Variants in UBE2D4 observed in about 807,000 individuals in gnomAD.
UBE2D4 encodes the protein ubiquitin conjugating enzyme E2 D4, also known as ubiquitin-conjugating enzyme E2 D4.
In UBE2D4, 17 loss-of-function variants were observed where a neutral mutation model predicts 23.0. That is an observed-to-expected ratio of 0.74 (90% CI 0.51 to 1.11). The LOEUF is 1.11. UBE2D4 is among the 50% of genes least tolerant of loss of function. UBE2D4 has a pLI of 0.00. For synonymous variants in UBE2D4, 61 were observed against 69.4 expected (o/e 0.88, Z 0.60); for missense variants, 139 against 181.8 (o/e 0.76, Z 1.35).
At chr7:43,937,004 G>A (rs555386954) in intron 1 of UBE2D4, among the ~76,000 whole-genome samples, 10 of 152,240 alleles carry the variant, frequency 6.6e-5, no homozygotes, top group African/African-American at 2.2e-4. Context: ...AAACTCCTGG[G>A]TGCTGGTTGG....
chr7:43,947,915 G>C (rs2095991977), intron 4 of UBE2D4, among the ~76,000 whole-genome samples: 1 of 152,148 alleles, frequency 6.6e-6, no homozygotes, highest in Non-Finnish European at 1.5e-5. Flanking sequence ...TCTCATTGTG[G>C]TTTTGATTTG....
At chr7:43,927,965 C>G (rs912469572) in intron 1 of UBE2D4, 6 of 441,240 alleles carry the variant, frequency 1.4e-5, no homozygotes, top group Non-Finnish European at 2.2e-5. Flanking sequence ...ATATCTGAGG[C>G]TGGGTAATTA....
rs1190253783 is a variant in UBE2D4 at position 43,953,499 on chromosome 7, G to A, written c.*804G>A. 5 of 254,940 alleles carry A rather than the reference G, an allele frequency of 2.0e-5. No homozygotes were observed. Among genetic ancestry groups the A allele is most frequent in the South Asian group, 1.3e-4 (3 of 22,920 alleles). 15.8% of individuals were successfully genotyped at this position (254,940 alleles called of 1,614,324 possible). A position where few individuals can be genotyped will look rare whatever the true frequency, so the allele number is the denominator to read the frequency against. On this transcript the variant is annotated 3_prime_UTR_variant, in exon 7 of 7. Coordinates refer to ENST00000222402, the MANE Select transcript of UBE2D4 (RefSeq NM_015983.4). ...TAAGTCCAAGTGTGAGCCATTCACA[G>A]ACTAGAACACAAGGAGGGAGAGAGA... is the stretch of plus-strand genomic sequence containing the variant.
intron 1 of UBE2D4, among the ~76,000 whole-genome samples, chr7:43,929,755 G>A (rs750280161): frequency 1.3e-4 from 20 of 152,080 alleles, no homozygotes; most frequent in Non-Finnish European, 2.8e-4. Flanking sequence ...AATAATTATC[G>A]AACTTGAGAC....
intron 1 of UBE2D4, among the ~76,000 whole-genome samples, chr7:43,931,195 G>T (rs2095944670): frequency 6.6e-6 from 1 of 152,068 alleles, no homozygotes; most frequent in African/African-American, 2.4e-5. Flanking sequence ...CTAGCACTTT[G>T]GGAGGCTAAG....
At position 43,953,242 on chromosome 7, in the gene UBE2D4, C is replaced by A. The variant is rs150894469; in HGVS notation, c.*547C>A. On this transcript the variant is annotated 3_prime_UTR_variant, in exon 7 of 7. Transcript: ENST00000222402. ...TGTCACTGGGAAGTGAAGGCCTAGC[C>A]CTGTGGCTTCCACCAGTCTCCTCCT... 51 of 455,892 alleles carry A rather than the reference C, an allele frequency of 1.1e-4. 1 individual carries two copies. In the East Asian group the frequency reaches 1.9e-3, roughly 17 times the overall value. The allele number at this position is 455,892 out of a possible 1,614,324, so 28.2% of individuals were successfully genotyped here. A position where few individuals can be genotyped will look rare whatever the true frequency, so the allele number is the denominator to read the frequency against.
chr7:43,928,639 T>A (rs2095938699), intron 1 of UBE2D4, among the ~76,000 whole-genome samples: 1 of 152,082 alleles, frequency 6.6e-6, no homozygotes, highest in Admixed American at 6.6e-5. Flanking sequence ...TTTGTCCAAA[T>A]TAATGACCAT....
At chr7:43,935,587 A>G (rs566460344) in intron 1 of UBE2D4, among the ~76,000 whole-genome samples, 71 of 152,332 alleles carry the variant, frequency 4.7e-4, no homozygotes, top group African/African-American at 1.6e-3. Context: ...AAGAAGGGAT[A>G]TAAAATGGAA....
rs1162660172 is a variant in UBE2D4, at chr7:43,953,042, C to T, written c.*347C>T. The T allele has an allele frequency of 2.3e-6, 1 of 430,780 alleles. No homozygotes were observed. Among genetic ancestry groups the T allele is most frequent in the African/African-American group, 2.0e-5 (1 of 49,720 alleles). The allele number at this position is 430,780 out of a possible 1,614,324, so 26.7% of individuals were successfully genotyped here. A position where few individuals can be genotyped will look rare whatever the true frequency, so the allele number is the denominator to read the frequency against. On this transcript the variant is annotated 3_prime_UTR_variant, in exon 7 of 7. Coordinates refer to ENST00000222402, the MANE Select transcript of UBE2D4 (RefSeq NM_015983.4). ...TACCCGGCCTCAAATGGTGCTGCTGCCCATGATGGTACCACACCAGGGCCT... is the reference window on the plus strand; with the variant it reads ...TACCCGGCCTCAAATGGTGCTGCTGTCCATGATGGTACCACACCAGGGCCT...
At chr7:43,936,338 G>C (rs953779156) in intron 1 of UBE2D4, among the ~76,000 whole-genome samples, 4 of 152,084 alleles carry the variant, frequency 2.6e-5, no homozygotes, top group African/African-American at 7.2e-5. Context: ...AGGAATAACT[G>C]AGTGTGTACC....
Position 43,944,060 on chromosome 7 carries a change from C to T in UBE2D4, c.198+1029C>T, listed in dbSNP as rs562873027. 53 of 152,348 alleles carry T rather than the reference C, an allele frequency of 3.5e-4. No homozygotes were observed. Among genetic ancestry groups the T allele is most frequent in the Non-Finnish European group, 6.7e-4 (46 of 68,236 alleles). The allele number at this position is 152,348 out of a possible 1,614,324, so 9.4% of individuals were successfully genotyped here. On this transcript the variant is annotated intron_variant, in intron 4 of 6. Transcript: ENST00000222402. The surrounding 1 kb of genome is among the most constrained non-coding windows in gnomAD (Gnocchi z 4.0). ...AGTTGGGAAGGAGGCCAGAGGGGTACGGATGGCCCCAGGAGTAGGGTCTGC... is the reference window on the plus strand; with the variant it reads ...AGTTGGGAAGGAGGCCAGAGGGGTATGGATGGCCCCAGGAGTAGGGTCTGC...
At chr7:43,952,619 G>C (rs1284730776) in intron 6 of UBE2D4, 31 bp from the exon 7 acceptor site, 2 of 1,598,548 alleles carry the variant, frequency 1.3e-6, no homozygotes, top group South Asian at 2.2e-5. Context: ...TTTCAAGTGA[G>C]GGTGTCACTT....
intron 2 of UBE2D4, 69 bp downstream of exon 2, chr7:43,938,563 C>A: frequency 1.4e-6 from 2 of 1,475,170 alleles, no homozygotes; most frequent in East Asian, 4.6e-5. Context: ...AGGCCAGGTG[C>A]GGTGGCTCAC....
intron 1 of UBE2D4, among the ~76,000 whole-genome samples, chr7:43,933,013 T>TATATATATATATATATATATATACAC (rs1340458201): frequency 1.7e-5 from 2 of 116,648 alleles, no homozygotes; most frequent in African/African-American, 3.4e-5. Context: ...TATATATATA[T>TATATATATATATATATATATATACAC]ACACACACAT....
chr7:43,931,833 G>A (rs1171554534), intron 1 of UBE2D4, among the ~76,000 whole-genome samples: 1 of 151,774 alleles, frequency 6.6e-6, no homozygotes, highest in African/African-American at 2.4e-5. Flanking sequence ...GGAGTAGTGT[G>A]TGCCACCATG....
At chr7:43,947,057 T>C (rs1380488229) in intron 4 of UBE2D4, 1 of 152,004 alleles carries the variant, frequency 6.6e-6, no homozygotes, top group Non-Finnish European at 1.5e-5. Flanking sequence ...GGCCCTGGTA[T>C]GTGATGTTCC....
chr7:43,936,433 A>G (rs1200462083), intron 1 of UBE2D4, among the ~76,000 whole-genome samples: 2 of 152,102 alleles, frequency 1.3e-5, no homozygotes, highest in Non-Finnish European at 2.9e-5. Flanking sequence ...TATCATTGTT[A>G]CTTGTAATAG....
chr7:43,948,769 C>G (rs1387873465), intron 5 of UBE2D4, 32 bp downstream of exon 5: 2 of 1,506,024 alleles, frequency 1.3e-6, no homozygotes, highest in Non-Finnish European at 1.8e-6. Flanking sequence ...TCTGTGTGCT[C>G]TTTTACACAT....
chr7:43,926,773 G>T (rs372245632), intron 1 of UBE2D4, among the ~76,000 whole-genome samples: 56 of 151,900 alleles, frequency 3.7e-4, no homozygotes, highest in South Asian at 2.9e-3. Flanking sequence ...CCGTGGCCAC[G>T]AGGGCTGCGT....
Sources: allele counts gnomAD v4.1 joint callset (sites outside exome capture counted in the v4.1 genomes callset), GRCh38; gene constraint gnomAD v4.1.1; non-coding constraint Gnocchi (gnomAD v3.1); transcripts MANE v1.5; gene names NCBI Gene and HGNC (gene_info 2026-07-23, HGNC 2026-07-21).